KCNH8: variants seen among roughly 807,000 people sequenced by gnomAD.
KCNH8 encodes the protein voltage-gated delayed rectifier potassium channel KCNH8.
Under a neutral mutation model 103.6 loss-of-function variants are expected in KCNH8, and 70 were observed. The ratio of observed to expected loss-of-function variants is 0.68; its 90% CI spans 0.56 to 0.82. KCNH8 has a LOEUF of 0.82. Ranked by LOEUF, KCNH8 falls within the 40% of genes least tolerant of loss-of-function variation. The probability of loss-of-function intolerance (pLI) is 0.00; values close to 1 mark genes in which losing one functional copy is unlikely to be tolerated. For missense variants in KCNH8, 1,217 were observed against 1,329.9 expected, an observed-to-expected ratio of 0.92 and a Z score of 1.32; for synonymous variants, 498 against 489.4, an observed-to-expected ratio of 1.02 and a Z score of -0.23.
chr3:19,510,415 T>G lies in KCNH8; in HGVS notation c.2079+14T>G. The G allele has an allele frequency of 6.7e-7, 1 of 1,501,672 alleles. No individual in the cohort carries two copies. Among genetic ancestry groups the G allele is most frequent in the Non-Finnish European group, 9.3e-7 (1 of 1,077,800 alleles). The allele number at this position is 1,501,672 out of a possible 1,614,324, so 93.0% of individuals were successfully genotyped here. A position where few individuals can be genotyped will look rare whatever the true frequency, so the allele number is the denominator to read the frequency against. On this transcript the variant is annotated intron_variant, in intron 12 of 15. Coordinates refer to ENST00000328405, the MANE Select transcript of KCNH8 (RefSeq NM_144633.3). ...ATGGTCTCACAGGTATGGCTTTTGCTACACAGCAAAATATTTATCTAAAAT... is the reference window on the plus strand; with the variant it reads ...ATGGTCTCACAGGTATGGCTTTTGCGACACAGCAAAATATTTATCTAAAAT...
chr3:19,293,747 A>T (rs1186186727), intron 3 of KCNH8, among the ~76,000 whole-genome samples: 1 of 152,204 alleles, frequency 6.6e-6, no homozygotes, highest in African/African-American at 2.4e-5. Flanking sequence ...TTCCACTAAA[A>T]TGTATGTTTC....
At chr3:19,323,314 T>C (rs2065376713) in intron 3 of KCNH8, among the ~76,000 whole-genome samples, 1 of 151,980 alleles carries the variant, frequency 6.6e-6, no homozygotes, top group East Asian at 1.9e-4. Context: ...CTGGGCGTGG[T>C]GGTGGGCACC....
At chr3:19,342,406 A>G (rs1375846734) in intron 3 of KCNH8, among the ~76,000 whole-genome samples, 181 bp from the exon 4 acceptor site, 1 of 152,084 alleles carries the variant, frequency 6.6e-6, no homozygotes, top group Non-Finnish European at 1.5e-5. Flanking sequence ...AGTCAATATG[A>G]TGATAAAAAT....
chr3:19,168,235 G>T (rs2063305254), intron 1 of KCNH8, among the ~76,000 whole-genome samples: 1 of 151,814 alleles, frequency 6.6e-6, no homozygotes, highest in Admixed American at 6.6e-5. Context: ...GCCATGTTGA[G>T]TAGGCTGGTC....
intron 6 of KCNH8, among the ~76,000 whole-genome samples, chr3:19,392,463 A>G (rs887584419): frequency 6.6e-6 from 1 of 151,968 alleles, no homozygotes; most frequent in Non-Finnish European, 1.5e-5. Context: ...AGTCAGGATC[A>G]AATATCCTAT....
chr3:19,483,075 T>C (rs1383392317), intron 11 of KCNH8, among the ~76,000 whole-genome samples: 1 of 152,144 alleles, frequency 6.6e-6, no homozygotes, highest in Non-Finnish European at 1.5e-5. Context: ...CTTCTCTTTT[T>C]GTGGGAAGCA....
chr3:19,195,809 G>T (rs112770004), intron 1 of KCNH8, among the ~76,000 whole-genome samples: 2 of 151,862 alleles, frequency 1.3e-5, no homozygotes, highest in Admixed American at 1.3e-4. Flanking sequence ...ATGTAGCTTC[G>T]ATGTCAGTGG....
intron 5 of KCNH8, among the ~76,000 whole-genome samples, chr3:19,369,855 C>T (rs535616738): frequency 1.5e-4 from 23 of 152,004 alleles, no homozygotes; most frequent in Admixed American, 4.6e-4. Context: ...TTATTCTTGA[C>T]GCTGCTTCTT....
intron 5 of KCNH8, among the ~76,000 whole-genome samples, chr3:19,372,971 A>G (rs576828392): frequency 0.023 from 3,432 of 151,898 alleles, 152 homozygotes; most frequent in African/African-American, 0.076. Context: ...CCACTTGATC[A>G]TGGTGGATAA....
chr3:19,451,060 G>C, intron 9 of KCNH8, 95 bp from the exon 10 acceptor site: 3 of 1,207,352 alleles, frequency 2.5e-6, no homozygotes, highest in South Asian at 2.7e-5. Flanking sequence ...CAAACAGCAG[G>C]AGACAGTAGG....
In KCNH8 at chr3:19,503,382, G is replaced by A. The variant is rs866432422; in HGVS notation, c.2041-6981G>A. ...GAAGTCAGTGTGGCGATTCCTCAGGGGTCTAGAACTAGAAATACCATTTGA... is the reference window on the plus strand; with the variant it reads ...GAAGTCAGTGTGGCGATTCCTCAGGAGTCTAGAACTAGAAATACCATTTGA... On this transcript the variant is annotated intron_variant, in intron 11 of 15. Coordinates refer to ENST00000328405, the MANE Select transcript of KCNH8 (RefSeq NM_144633.3). Among the ~76,000 whole-genome samples the A allele has an allele frequency of 5.7e-4, 87 of 152,214 alleles. No individual in the cohort carries two copies. The Middle Eastern group carries it at 0.02, about 36-fold the overall frequency.
chr3:19,318,662 T>TGTGTGTACACAC (rs1491117852), intron 3 of KCNH8, among the ~76,000 whole-genome samples: 1 of 142,522 alleles, frequency 7.0e-6, no homozygotes, highest in African/African-American at 2.6e-5. Context: ...TGTGTGTGTG[T>TGTGTGTACACAC]ACACACACAC....
At chr3:19,409,219 CAGTTAAAGAAA>C (rs1489283108) in intron 7 of KCNH8, among the ~76,000 whole-genome samples, 1 of 152,078 alleles carries the variant, frequency 6.6e-6, no homozygotes, top group East Asian at 1.9e-4. Context: ...CTATCTTTAA[CAGTTAAAGAAA>C]AGAAATTCCA....
chr3:19,376,344 T>A (rs2066202585), intron 5 of KCNH8, among the ~76,000 whole-genome samples: 2 of 152,148 alleles, frequency 1.3e-5, no homozygotes, highest in Non-Finnish European at 2.9e-5. Context: ...AGTATTCGGG[T>A]AGGAGTGACC....
intron 3 of KCNH8, among the ~76,000 whole-genome samples, chr3:19,314,057 A>G (rs1307917436): frequency 6.6e-6 from 1 of 151,944 alleles, no homozygotes; most frequent in Non-Finnish European, 1.5e-5. Context: ...AGAATCAATT[A>G]TGTGAAGTTT....
chr3:19,373,278 A>G (rs2066131923), intron 5 of KCNH8, among the ~76,000 whole-genome samples: 1 of 152,124 alleles, frequency 6.6e-6, no homozygotes, highest in African/African-American at 2.4e-5. Context: ...GATTATTGCC[A>G]GAATTTCAGA....
chr3:19,422,612 G>A (rs115286257), intron 7 of KCNH8, among the ~76,000 whole-genome samples: 1,596 of 152,160 alleles, frequency 0.01, 30 homozygotes, highest in African/African-American at 0.036. Context: ...CCCAAATCCT[G>A]TTTTATATGC....
intron 1 of KCNH8, among the ~76,000 whole-genome samples, chr3:19,157,722 AT>A (rs1386857675): frequency 6.6e-6 from 1 of 151,896 alleles, no homozygotes; most frequent in Non-Finnish European, 1.5e-5. Flanking sequence ...GAAGTTCAGA[AT>A]TTTTTAATAT....
At chr3:19,512,168 CTGTTGAGGGCCACTAGTTAGCCTT>C (rs879516660) in intron 12 of KCNH8, among the ~76,000 whole-genome samples, 5 of 152,228 alleles carry the variant, frequency 3.3e-5, no homozygotes, top group Non-Finnish European at 5.9e-5. Flanking sequence ...TACAGTGACT[CTGTTGAGGGCCACTAGTTAGCCTT>C]TGCTGCGTTC....
Sources: allele counts gnomAD v4.1 joint callset (sites outside exome capture counted in the v4.1 genomes callset), GRCh38; gene constraint gnomAD v4.1.1; transcripts MANE v1.5; gene names NCBI Gene and HGNC (gene_info 2026-07-23, HGNC 2026-07-21).